TRPM3: variants seen among roughly 807,000 people sequenced by gnomAD.
The protein encoded by TRPM3 is transient receptor potential cation channel subfamily M member 3, also known as long transient receptor potential channel 3.
In TRPM3, 77 loss-of-function variants were observed where a neutral mutation model predicts 181.2. The ratio of observed to expected loss-of-function variants is 0.42; its 90% CI spans 0.35 to 0.51. TRPM3 has a LOEUF of 0.51. Among genes scored for constraint, TRPM3 ranks in the 20% least tolerant of loss-of-function variants. The pLI is 0.01. For synonymous variants in TRPM3, 745 were observed against 796.4 expected, an observed-to-expected ratio of 0.94 and a Z score of 1.09; for missense variants, 1,759 against 2,196.7, an observed-to-expected ratio of 0.80 and a Z score of 3.98.
intron 1 of TRPM3, among the ~76,000 whole-genome samples, chr9:71,247,969 G>T (rs1394393486): frequency 1.3e-5 from 2 of 152,198 alleles, no homozygotes; most frequent in Non-Finnish European, 2.9e-5. Context: ...GACCAGCCTT[G>T]CTAGGCTGAC....
At chr9:71,123,037 A>G (rs1044464897), upstream of TRPM3, among the ~76,000 whole-genome samples, 15 of 152,186 alleles carry the variant, frequency 9.9e-5, no homozygotes, top group Non-Finnish European at 2.1e-4. Flanking sequence ...TCATTTTCTT[A>G]TCTCACAGAT....
In TRPM3 at chr9:70,848,976, CAAAAAAAAAAAAAA is replaced by C; in HGVS notation, c.463-2399_463-2386del. 1.7e-4 allele frequency among the ~76,000 whole-genome samples: 2 copies of C among 11,978 alleles called. 1 individual carries two copies. The highest frequency in any genetic ancestry group is 0.012 in the South Asian group (2 of 166). 7.9% of individuals were successfully genotyped at this position (11,978 alleles called of 152,430 possible). A position where few individuals can be genotyped will look rare whatever the true frequency, so the allele number is the denominator to read the frequency against. Reference sequence around the variant, plus strand: ...TGGGCGACAGAGCGAGACTCCGTCTCAAAAAAAAAAAAAAAAAAAAAAAAAGAAATTACCTGTCA... The same window carrying C: ...TGGGCGACAGAGCGAGACTCCGTCTCAAAAAAAAAAAGAAATTACCTGTCA... On this transcript the variant is annotated intron_variant, in intron 3 of 25. Transcript: ENST00000677713.
At chr9:70,784,390 G>A in intron 6 of TRPM3, 111 bp from the exon 7 acceptor site, 1 of 1,205,492 alleles carries the variant, frequency 8.3e-7, no homozygotes, top group Non-Finnish European at 1.1e-6. Flanking sequence ...ACTGAGCACG[G>A]GGGAGGTAGC....
At chr9:71,441,244 C>CA (rs566531186) in intron 1 of TRPM3, among the ~76,000 whole-genome samples, 143 of 150,194 alleles carry the variant, frequency 9.5e-4, no homozygotes, top group African/African-American at 3.1e-3. Context: ...TTTTCACACA[C>CA]AAAAAAAATC....
chr9:71,363,525 TCAA>T (rs957137812), intron 1 of TRPM3, among the ~76,000 whole-genome samples: 2 of 152,234 alleles, frequency 1.3e-5, no homozygotes, highest in Non-Finnish European at 2.9e-5. Context: ...TATTTCTAAC[TCAA>T]CAAGTTGGTT....
At chr9:71,194,317 T>A (rs757968887) in intron 1 of TRPM3, among the ~76,000 whole-genome samples, 2 of 151,978 alleles carry the variant, frequency 1.3e-5, no homozygotes, top group Admixed American at 6.6e-5. Flanking sequence ...TGACCAAGAC[T>A]ATGTGTTTCA....
chr9:70,536,803 C>T lies in TRPM3; in HGVS notation c.4310G>A (p.Gly1437Glu). ...DPLDNSVNIL[G>E]LGEPSFSTPV... ...AGTTGAAAAGCTTGGCTCGCCCAGC[C>T]CAAGGATGTTCACGGAATTGTCCAG... Residue 1437 changes from glycine to glutamate, a missense_variant, in exon 26 of 26, where the codon GGG (glycine) becomes GAG (glutamate). This residue lies in a region of TRPM3 where 612 missense variants were observed against 590.0 expected (regional missense o/e 1.04). Coordinates refer to ENST00000677713, the MANE Select transcript of TRPM3 (RefSeq NM_001366145.2). 1.2e-6 allele frequency: 2 copies of T among 1,614,046 alleles called. No individual in the cohort carries two copies. The highest frequency in any genetic ancestry group is 4.5e-5 in the East Asian group (2 of 44,862).
chr9:70,797,763 C>T (rs1188158901), intron 6 of TRPM3, among the ~76,000 whole-genome samples: 1 of 152,206 alleles, frequency 6.6e-6, no homozygotes, highest in Non-Finnish European at 1.5e-5. Flanking sequence ...CTCAGCTCTG[C>T]CTGGCTCTGC....
Position 70,816,113 on chromosome 9 carries a change from GA to G in TRPM3, c.973+11733del, listed in dbSNP as rs1354058292. Among the ~76,000 whole-genome samples, 4 of 152,214 alleles carry G rather than the reference GA, an allele frequency of 2.6e-5. No individual in the cohort carries two copies. In the East Asian group the frequency reaches 5.8e-4, roughly 22 times the overall value. ...TGAATAATGCAAACTAGAATTATATGAAAAAAACTAACTAGAGTTGGATTCT... is the reference window on the plus strand; with the variant it reads ...TGAATAATGCAAACTAGAATTATATGAAAAAACTAACTAGAGTTGGATTCT... On this transcript the variant is annotated intron_variant, in intron 6 of 25. Coordinates refer to ENST00000677713, the MANE Select transcript of TRPM3 (RefSeq NM_001366145.2).
Position 70,790,780 on chromosome 9 carries a change from AT to A in TRPM3, c.974-6502del, listed in dbSNP as rs1026035294. Among the ~76,000 whole-genome samples, 18 of 151,662 alleles carry A rather than the reference AT, an allele frequency of 1.2e-4. No individual in the cohort carries two copies. In the South Asian group the frequency reaches 1.9e-3, roughly 16 times the overall value. On this transcript the variant is annotated intron_variant, in intron 6 of 25. Transcript: ENST00000677713. ...GTTGTGCCTGAAAACATTCAAAAGTATTTTTTTTTCTTAGTAAGTTTAAGGT... is the reference window on the plus strand; with the variant it reads ...GTTGTGCCTGAAAACATTCAAAAGTATTTTTTTTCTTAGTAAGTTTAAGGT...
At chr9:71,078,813 G>C (rs1413409038) in intron 1 of TRPM3, among the ~76,000 whole-genome samples, 2 of 150,776 alleles carry the variant, frequency 1.3e-5, no homozygotes, top group African/African-American at 2.4e-5. Flanking sequence ...TTTCAATTTA[G>C]AGCATAATAA....
chr9:70,549,679 G>GGA lies in TRPM3; in HGVS notation c.3575-7_3575-6dup. On this transcript the variant is annotated splice_region_variant and splice_polypyrimidine_tract_variant and intron_variant, in intron 24 of 25. Coordinates refer to ENST00000677713, the MANE Select transcript of TRPM3 (RefSeq NM_001366145.2). ...CATCATCGGTTATGAAGAGTTCTGT[G>GGA]GAAAAAAAAAAAAAGGAAGTCTTGA... 3 of 1,564,366 alleles carry GGA rather than the reference G, an allele frequency of 1.9e-6. No individual in the cohort carries two copies. The highest frequency in any genetic ancestry group is 2.6e-6 in the Non-Finnish European group (3 of 1,164,590).
At chr9:71,294,069 C>A (rs1051727108) in intron 1 of TRPM3, among the ~76,000 whole-genome samples, 2 of 151,718 alleles carry the variant, frequency 1.3e-5, no homozygotes, top group Non-Finnish European at 2.9e-5. Flanking sequence ...AAAATGTAGG[C>A]GATTATCTTT....
chr9:70,752,037 TGTGTGTGTGTGTGC>T (rs1319461958), intron 8 of TRPM3, among the ~76,000 whole-genome samples: 18 of 116,440 alleles, frequency 1.5e-4, no homozygotes, highest in Non-Finnish European at 2.8e-4. Flanking sequence ...TGTGTGTGTG[TGTGTGTGTGTGTGC>T]GCGCGCGCGC....
chr9:71,198,230 T>C (rs577488313), intron 1 of TRPM3, among the ~76,000 whole-genome samples: 5 of 152,274 alleles, frequency 3.3e-5, no homozygotes, highest in Admixed American at 6.5e-5. Context: ...CATTGATCAA[T>C]ATATCTGTTT....
intron 1 of TRPM3, among the ~76,000 whole-genome samples, chr9:71,190,534 G>T (rs1173503701): frequency 6.6e-6 from 1 of 151,762 alleles, no homozygotes; most frequent in Non-Finnish European, 1.5e-5. Context: ...TCAGGTATCT[G>T]GGGCTTCCTT....
intron 1 of TRPM3, among the ~76,000 whole-genome samples, chr9:70,877,816 C>CACACACACACACACAT (rs1248796804): frequency 6.6e-6 from 1 of 151,670 alleles, no homozygotes. Flanking sequence ...CACACACACA[C>CACACACACACACACAT]ACACACACAC....
At chr9:70,834,152 C>T (rs888416457) in intron 5 of TRPM3, among the ~76,000 whole-genome samples, 1 of 152,172 alleles carries the variant, frequency 6.6e-6, no homozygotes, top group East Asian at 1.9e-4. Flanking sequence ...GCAATTCAAA[C>T]AAGAGACCAG....
rs34215081 is a variant in TRPM3, at chr9:70,574,084, A to ACG, written c.3223+16945_3223+16946dup. On this transcript the variant is annotated intron_variant, in intron 22 of 25. Transcript: ENST00000677713. ...TCAGCAATTCATGTCAGACACACACACGCGCGCGCACACACACACACACAC... is the reference window on the plus strand; with the variant it reads ...TCAGCAATTCATGTCAGACACACACACGCGCGCGCGCACACACACACACACAC... Among the ~76,000 whole-genome samples the ACG allele has an allele frequency of 3.5e-3, 514 of 145,556 alleles. 5 individuals carry two copies. Among genetic ancestry groups the ACG allele is most frequent in the African/African-American group, 0.013 (493 of 37,998 alleles).
Sources: gnomAD v4.1 joint callset for allele counts (sites outside exome capture counted in the v4.1 genomes callset) on GRCh38, gnomAD v4.1.1 for gene constraint, gnomAD v4.1.1 regional missense constraint, MANE v1.5 for transcripts, NCBI Gene and HGNC (gene_info 2026-07-23, HGNC 2026-07-21) for gene names.